Variants in ZFAND6 observed in about 807,000 individuals in gnomAD.
ZFAND6 encodes the protein AN1-type zinc finger protein 6.
In ZFAND6, 12 loss-of-function variants were observed where a neutral mutation model predicts 24.5. That is an observed-to-expected ratio of 0.49 (90% CI 0.31 to 0.79). The LOEUF (loss-of-function observed/expected upper bound fraction) is 0.79, where lower values mean the gene tolerates loss of function less well. Ranked by LOEUF, ZFAND6 falls within the 30% of genes least tolerant of loss-of-function variation. The pLI is 0.04. For synonymous variants in ZFAND6, 92 were observed against 81.5 expected (o/e 1.13, Z -0.69); for missense variants, 207 against 245.9 (o/e 0.84, Z 1.06).
intron 6 of ZFAND6, among the ~76,000 whole-genome samples, chr15:80,132,048 A>G (rs2040628755): frequency 6.6e-6 from 1 of 152,226 alleles, no homozygotes; most frequent in Non-Finnish European, 1.5e-5. Flanking sequence ...GAATAGGGGA[A>G]TGTCGCTGTG....
At chr15:80,132,514 T>C (rs1210209854) in intron 6 of ZFAND6, among the ~76,000 whole-genome samples, 5 of 152,122 alleles carry the variant, frequency 3.3e-5, no homozygotes, top group African/African-American at 4.8e-5. Flanking sequence ...ATACTATACT[T>C]CTCTAATAAT....
chr15:80,063,398 T>C (rs2036437947), intron 1 of ZFAND6, among the ~76,000 whole-genome samples: 1 of 152,068 alleles, frequency 6.6e-6, no homozygotes, highest in Non-Finnish European at 1.5e-5. Context: ...TTTCTTTTTT[T>C]GTATTTTTTT....
At chr15:80,124,359 G>A (rs755342390) in intron 5 of ZFAND6, among the ~76,000 whole-genome samples, 11 of 152,140 alleles carry the variant, frequency 7.2e-5, no homozygotes, top group Non-Finnish European at 1.3e-4. Context: ...CATGAACCTG[G>A]GAGGCGGAGC....
intron 1 of ZFAND6, among the ~76,000 whole-genome samples, chr15:80,093,978 C>T (rs765166777): frequency 3.3e-5 from 5 of 152,140 alleles, no homozygotes; most frequent in Admixed American, 3.3e-4. Context: ...TTGGCACTTA[C>T]ATTTGGTATT....
chr15:80,065,537 A>ATTTTTTTTTTTTTTTTTTTTTTTTTTT (rs149756891), intron 1 of ZFAND6, among the ~76,000 whole-genome samples: 17 of 76,498 alleles, frequency 2.2e-4, no homozygotes, highest in South Asian at 5.2e-4. Context: ...TTTGGTTTTG[A>ATTTTTTTTTTTTTTTTTTTTTTTTTTT]TTTTTTTTTT....
chr15:80,078,716 A>G (rs1022266216), intron 1 of ZFAND6, among the ~76,000 whole-genome samples: 2 of 152,116 alleles, frequency 1.3e-5, no homozygotes, highest in African/African-American at 4.8e-5. Context: ...AACTTCACCA[A>G]CATCTGTCAT....
intron 1 of ZFAND6, among the ~76,000 whole-genome samples, chr15:80,076,784 T>C (rs2037308296): frequency 6.6e-6 from 1 of 152,216 alleles, no homozygotes; most frequent in African/African-American, 2.4e-5. Flanking sequence ...TACTTCTCTA[T>C]TCCTTTTTTC....
intron 5 of ZFAND6, among the ~76,000 whole-genome samples, chr15:80,127,375 G>A (rs1220217717): frequency 6.6e-6 from 1 of 151,934 alleles, no homozygotes; most frequent in Non-Finnish European, 1.5e-5. Context: ...ATCACCTTAA[G>A]TCAGGAGTTG....
chr15:80,060,793 G>A (rs1294759289), intron 1 of ZFAND6: 2 of 152,182 alleles, frequency 1.3e-5, no homozygotes, highest in Non-Finnish European at 2.9e-5. Context: ...GTGGTGGCGG[G>A]CGCCGGTAGT....
At chr15:80,121,589 A>C (rs1048415230) in intron 3 of ZFAND6, 123 bp from the exon 4 acceptor site, 4 of 631,162 alleles carry the variant, frequency 6.3e-6, no homozygotes, top group Non-Finnish European at 9.8e-6. Flanking sequence ...GAACCAACAT[A>C]CTACATATTA....
chr15:80,093,021 C>G (rs377750991), intron 1 of ZFAND6, among the ~76,000 whole-genome samples: 8 of 150,980 alleles, frequency 5.3e-5, no homozygotes, highest in Non-Finnish European at 1.2e-4. Context: ...GTGGCACGAT[C>G]TCAGCTCACT....
chr15:80,099,288 T>C (rs893544640), intron 2 of ZFAND6, among the ~76,000 whole-genome samples: 4 of 152,144 alleles, frequency 2.6e-5, no homozygotes, highest in South Asian at 2.1e-4. Flanking sequence ...ACTTTTTCTT[T>C]ATGGATTTAG....
chr15:80,107,553 A>G (rs1000756445), intron 2 of ZFAND6, among the ~76,000 whole-genome samples: 8 of 152,110 alleles, frequency 5.3e-5, no homozygotes, highest in Admixed American at 3.3e-4. Context: ...GGCTGGGCGC[A>G]GTGTTTCATG....
chr15:80,128,686 T>TA (rs2040472928), intron 5 of ZFAND6, among the ~76,000 whole-genome samples: 1 of 152,216 alleles, frequency 6.6e-6, no homozygotes. Flanking sequence ...GCCTCATGGG[T>TA]ATATAATCGA....
chr15:80,069,342 A>T (rs193100535), intron 1 of ZFAND6, among the ~76,000 whole-genome samples: 8 of 152,290 alleles, frequency 5.3e-5, no homozygotes, highest in Admixed American at 5.2e-4. Flanking sequence ...TGCATTAATC[A>T]GTGACCTTGT....
At chr15:80,116,918 C>T (rs2039900877) in intron 2 of ZFAND6, among the ~76,000 whole-genome samples, 1 of 152,110 alleles carries the variant, frequency 6.6e-6, no homozygotes, top group African/African-American at 2.4e-5. Context: ...CATTAAAATT[C>T]ATTGGCTTTT....
chr15:80,085,057 A>C (rs553723456), intron 1 of ZFAND6, among the ~76,000 whole-genome samples: 145 of 152,338 alleles, frequency 9.5e-4, no homozygotes, highest in African/African-American at 3.3e-3. Context: ...CATCTTTCAA[A>C]GGACGCCACT....
chr15:80,118,460 C>A (rs1194668357), intron 2 of ZFAND6, among the ~76,000 whole-genome samples: 4 of 152,002 alleles, frequency 2.6e-5, no homozygotes, highest in Admixed American at 6.6e-5. Flanking sequence ...AGCTGCAGAC[C>A]AGTATTCTTC....
At chr15:80,090,683 G>A (rs2038303551) in intron 1 of ZFAND6, among the ~76,000 whole-genome samples, 1 of 152,170 alleles carries the variant, frequency 6.6e-6, no homozygotes, top group Admixed American at 6.5e-5. Flanking sequence ...CAACCCTGGA[G>A]AATGGTCTGA....
Sources: allele counts gnomAD v4.1 joint callset (sites outside exome capture counted in the v4.1 genomes callset), GRCh38; gene constraint gnomAD v4.1.1; transcripts MANE v1.5; gene names NCBI Gene and HGNC (gene_info 2026-07-23, HGNC 2026-07-21).